Variants in PSMA1 observed in about 807,000 individuals in gnomAD.
PSMA1 encodes the protein proteasome 20S subunit alpha 1.
PSMA1 carries 3 observed loss-of-function variants against 38.4 expected under a neutral mutation model. The ratio of observed to expected loss-of-function variants is 0.08; its 90% CI spans 0.04 to 0.20. The LOEUF is 0.20. PSMA1 is among the 10% of genes least tolerant of loss of function. The probability of loss-of-function intolerance (pLI) is 1.00; values close to 1 mark genes in which losing one functional copy is unlikely to be tolerated. For synonymous variants in PSMA1, 101 were observed against 107.1 expected (o/e 0.94, Z 0.35); for missense variants, 227 against 325.3 (o/e 0.70, Z 2.32).
At chr11:14,629,780 T>C (rs1852973802) in intron 1 of PSMA1, among the ~76,000 whole-genome samples, 1 of 150,760 alleles carries the variant, frequency 6.6e-6, no homozygotes, top group Non-Finnish European at 1.5e-5. Flanking sequence ...TTTCACGATA[T>C]TGATTCTTCC....
chr11:14,547,866 G>A (rs1331405522), intron 2 of PSMA1, among the ~76,000 whole-genome samples: 1 of 152,154 alleles, frequency 6.6e-6, no homozygotes, highest in East Asian at 1.9e-4. Flanking sequence ...CTGTGATTCT[G>A]ATTGGAACAG....
chr11:14,594,131 G>A (rs1852455712), intron 2 of PSMA1, among the ~76,000 whole-genome samples: 1 of 152,226 alleles, frequency 6.6e-6, no homozygotes, highest in Non-Finnish European at 1.5e-5. Context: ...GATTCATGAT[G>A]ACATTCCTTG....
At chr11:14,520,020 T>C (rs1300303982) in intron 1 of PSMA1, 2 of 571,126 alleles carry the variant, frequency 3.5e-6, no homozygotes, top group Non-Finnish European at 6.3e-6. Context: ...TCTACTCCAC[T>C]GAAGGAACCT....
At chr11:14,521,134 A>ACTCT (rs1851520579), upstream of PSMA1, among the ~76,000 whole-genome samples, 3 of 149,524 alleles carry the variant, frequency 2.0e-5, no homozygotes, top group Admixed American at 6.7e-5. Context: ...ATAACGAAAT[A>ACTCT]GTCTGACATC....
chr11:14,637,123 T>C lies in PSMA1; in HGVS notation c.-166+6332A>G, dbSNP rs1333570932. Among the ~76,000 whole-genome samples the C allele has an allele frequency of 2.6e-5, 4 of 152,210 alleles. No individual in the cohort carries two copies. In the East Asian group the frequency reaches 7.7e-4, roughly 29 times the overall value. On this transcript the variant is annotated intron_variant, in intron 1 of 10. Coordinates refer to the PSMA1 transcript ENST00000418988. The stretch of plus-strand genomic sequence containing the variant: ...TCAGAATGGCCTATAGGGATTCCCA[T>C]GATTTGGCTTCCACCTATCTATCCA...
chr11:14,526,912 C>G (rs1252848821), intron 2 of PSMA1, among the ~76,000 whole-genome samples: 1 of 152,164 alleles, frequency 6.6e-6, no homozygotes, highest in East Asian at 1.9e-4. Context: ...CCACTCTGCC[C>G]CCCTCCACTA....
upstream of PSMA1, among the ~76,000 whole-genome samples, chr11:14,523,021 C>A (rs1482121510): frequency 6.6e-6 from 1 of 152,148 alleles, no homozygotes; most frequent in Non-Finnish European, 1.5e-5. Flanking sequence ...CCAAACCTGT[C>A]CTTCTGATAA....
At chr11:14,613,540 A>G (rs1164007991) in intron 1 of PSMA1, among the ~76,000 whole-genome samples, 2 of 152,092 alleles carry the variant, frequency 1.3e-5, no homozygotes, top group Admixed American at 6.6e-5. Context: ...AGGCGTGAGC[A>G]CTGTGCCCAG....
chr11:14,583,647 G>A (rs1852307514), intron 2 of PSMA1, among the ~76,000 whole-genome samples: 3 of 152,220 alleles, frequency 2.0e-5, no homozygotes, highest in African/African-American at 7.2e-5. Context: ...CTCCAGGCTG[G>A]GGGTAAAAGC....
chr11:14,540,843 TCTA>T (rs1851765385), intron 2 of PSMA1, among the ~76,000 whole-genome samples: 1 of 151,826 alleles, frequency 6.6e-6, no homozygotes, highest in South Asian at 2.1e-4. Flanking sequence ...ACTCCCATGT[TCTA>T]GTGTAAAAGA....
At chr11:14,581,419 G>A (rs950332973) in intron 2 of PSMA1, among the ~76,000 whole-genome samples, 1 of 152,094 alleles carries the variant, frequency 6.6e-6, no homozygotes, top group African/African-American at 2.4e-5. Flanking sequence ...ATGTGCCTTC[G>A]ATTTCCTCTT....
intron 2 of PSMA1, among the ~76,000 whole-genome samples, chr11:14,538,942 A>T (rs1851741394): frequency 6.6e-6 from 1 of 152,278 alleles, no homozygotes; most frequent in Admixed American, 6.5e-5. Context: ...GTAATGGCAG[A>T]TATAAAATGA....
At chr11:14,634,570 C>T (rs1853087871) in intron 1 of PSMA1, among the ~76,000 whole-genome samples, 1 of 151,632 alleles carries the variant, frequency 6.6e-6, no homozygotes, top group Admixed American at 6.6e-5. Flanking sequence ...GTCTTGAACT[C>T]CTGGCCTCAA....
intron 2 of PSMA1, among the ~76,000 whole-genome samples, chr11:14,589,574 A>G (rs1852388109): frequency 6.6e-6 from 1 of 152,060 alleles, no homozygotes. Context: ...TACACACCGT[A>G]TAGAAAGAGC....
chr11:14,524,703 G>A (rs527369408), upstream of PSMA1, among the ~76,000 whole-genome samples: 12 of 152,292 alleles, frequency 7.9e-5, no homozygotes, highest in South Asian at 4.1e-4. Flanking sequence ...ATTTGGTGCC[G>A]AAGACCCGGG....
intron 1 of PSMA1, among the ~76,000 whole-genome samples, chr11:14,636,486 C>T (rs1853114811): frequency 6.6e-6 from 1 of 152,118 alleles, no homozygotes; most frequent in Admixed American, 6.6e-5. Context: ...AGTTCAAAAA[C>T]AAATCCTCTT....
intron 2 of PSMA1, among the ~76,000 whole-genome samples, chr11:14,575,819 C>T (rs962110597): frequency 6.6e-6 from 1 of 152,184 alleles, no homozygotes; most frequent in Non-Finnish European, 1.5e-5. Flanking sequence ...GTTCTAGATC[C>T]TTGAGGAATC....
At chr11:14,571,662 A>G (rs201923559) in intron 2 of PSMA1, among the ~76,000 whole-genome samples, 1 of 151,838 alleles carries the variant, frequency 6.6e-6, no homozygotes, top group Non-Finnish European at 1.5e-5. Flanking sequence ...CACACATAAC[A>G]ATATTAACCT....
chr11:14,524,109 CAAAAAAAAAAAA>C (rs71044009), upstream of PSMA1, among the ~76,000 whole-genome samples: 2 of 54,204 alleles, frequency 3.7e-5, no homozygotes, highest in Non-Finnish European at 6.1e-5. Context: ...GACCCTGTCT[CAAAAAAAAAAAA>C]AAAAAAAAAA....
Sources: gnomAD v4.1 joint callset for allele counts (sites outside exome capture counted in the v4.1 genomes callset) on GRCh38, gnomAD v4.1.1 for gene constraint, MANE v1.5 for transcripts, NCBI Gene and HGNC (gene_info 2026-07-23, HGNC 2026-07-21) for gene names.